The following MGAT5 variants were observed in gnomAD, a reference collection of about 807,000 sequenced individuals.
MGAT5 encodes alpha-1,6-mannosylglycoprotein 6-beta-N-acetylglucosaminyltransferase.
In MGAT5, 30 loss-of-function variants were observed where a neutral mutation model predicts 94.3. That is an observed-to-expected ratio of 0.32 (90% CI 0.24 to 0.43). The LOEUF is 0.43. MGAT5 is among the 20% of genes least tolerant of loss of function. MGAT5 has a pLI of 1.00. For synonymous variants in MGAT5, 310 were observed against 322.9 expected (o/e 0.96, Z 0.43); for missense variants, 691 against 905.5 (o/e 0.76, Z 3.04).
chr2:134,289,761 CAG>C (rs1018073091), intron 2 of MGAT5, among the ~76,000 whole-genome samples: 8 of 152,320 alleles, frequency 5.3e-5, no homozygotes, highest in Admixed American at 2.0e-4. Context: ...CAGTAAGACA[CAG>C]AGTCTCTAAA....
At chr2:134,230,737 C>T (rs1486382291) in intron 1 of MGAT5, among the ~76,000 whole-genome samples, 1 of 152,080 alleles carries the variant, frequency 6.6e-6, no homozygotes. Flanking sequence ...CTGTGGAAAA[C>T]ATTTTAGCAG....
intron 2 of MGAT5, among the ~76,000 whole-genome samples, chr2:134,308,479 A>G (rs1441519947): frequency 6.6e-6 from 1 of 152,152 alleles, no homozygotes; most frequent in Non-Finnish European, 1.5e-5. Flanking sequence ...TAGCCCATGG[A>G]AAGTGTATAT....
intron 2 of MGAT5, among the ~76,000 whole-genome samples, chr2:134,301,224 G>A (rs1030716020): frequency 1.3e-5 from 2 of 152,148 alleles, no homozygotes; most frequent in African/African-American, 4.8e-5. Context: ...AAAAATCGCA[G>A]AGCAGTACTT....
chr2:134,160,313 A>G (rs1352154097), intron 1 of MGAT5, among the ~76,000 whole-genome samples: 1 of 152,182 alleles, frequency 6.6e-6, no homozygotes, highest in Non-Finnish European at 1.5e-5. Flanking sequence ...AGCCGGGACT[A>G]CAGGCGCCTG....
chr2:134,186,681 A>G (rs1689052161), intron 1 of MGAT5, among the ~76,000 whole-genome samples: 1 of 152,152 alleles, frequency 6.6e-6, no homozygotes, highest in Admixed American at 6.5e-5. Flanking sequence ...TGGTGTGGAT[A>G]GCATGGATGC....
intron 1 of MGAT5, among the ~76,000 whole-genome samples, chr2:134,149,102 A>G (rs1220021179): frequency 6.6e-6 from 1 of 152,066 alleles, no homozygotes; most frequent in Non-Finnish European, 1.5e-5. Context: ...TTATCCCTCC[A>G]GGCTTAATTT....
intron 11 of MGAT5, among the ~76,000 whole-genome samples, chr2:134,403,923 C>T (rs13016013): frequency 5.3e-5 from 8 of 152,196 alleles, no homozygotes; most frequent in African/African-American, 7.2e-5. Flanking sequence ...TGACGTGTTG[C>T]TTTGACACTG....
intron 10 of MGAT5, among the ~76,000 whole-genome samples, chr2:134,400,595 G>A (rs1402204506): frequency 6.6e-6 from 1 of 151,962 alleles, no homozygotes; most frequent in Admixed American, 6.6e-5. Flanking sequence ...ACTTTCCCAG[G>A]CATTTAGTCT....
chr2:134,256,193 T>C (rs1294990165), intron 1 of MGAT5, among the ~76,000 whole-genome samples: 1 of 152,092 alleles, frequency 6.6e-6, no homozygotes, highest in African/African-American at 2.4e-5. Context: ...GAAAAGTAAC[T>C]AGGTAGTTTT....
chr2:134,148,138 A>G (rs187791005), intron 1 of MGAT5, among the ~76,000 whole-genome samples: 1 of 152,356 alleles, frequency 6.6e-6, no homozygotes, highest in Admixed American at 6.5e-5. Context: ...GTTTTATTTC[A>G]TGCATTTAAA....
At chr2:134,378,699 T>C (rs1558839169) in intron 10 of MGAT5, among the ~76,000 whole-genome samples, 1 of 149,744 alleles carries the variant, frequency 6.7e-6, no homozygotes, top group Non-Finnish European at 1.5e-5. Context: ...CACTGCCACC[T>C]GTGACTCCCG....
chr2:134,137,849 A>G (rs1486155377), intron 1 of MGAT5, among the ~76,000 whole-genome samples: 1 of 151,852 alleles, frequency 6.6e-6, no homozygotes, highest in African/African-American at 2.4e-5. Context: ...TGTATTTAAC[A>G]AGTTTATCAA....
rs186704616 is a variant in MGAT5, at chr2:134,243,283, G to T, written c.-142-10979G>T. Among the ~76,000 whole-genome samples the T allele has an allele frequency of 1.7e-4, 26 of 152,172 alleles. No homozygotes were observed. The East Asian group carries it at 5.0e-3, about 29-fold the overall frequency. On this transcript the variant is annotated intron_variant, in intron 1 of 16. Coordinates refer to the MGAT5 transcript ENST00000409645. ...CTCTATTTTTTAAAGAGCAGTCCAGGTGATTCTATGTACATCATAGTTGGG... is the reference window on the plus strand; with the variant it reads ...CTCTATTTTTTAAAGAGCAGTCCAGTTGATTCTATGTACATCATAGTTGGG...
chr2:134,215,505 G>A (rs1337830757), intron 1 of MGAT5, among the ~76,000 whole-genome samples: 1 of 152,138 alleles, frequency 6.6e-6, no homozygotes, highest in Non-Finnish European at 1.5e-5. Flanking sequence ...GTGTGGAGAG[G>A]GACCAAACAT....
chr2:134,406,235 C>G (rs1209109538), intron 11 of MGAT5, among the ~76,000 whole-genome samples: 1 of 152,214 alleles, frequency 6.6e-6, no homozygotes, highest in African/African-American at 2.4e-5. Flanking sequence ...ATCTGCAACT[C>G]ACTGAGTGCT....
intron 2 of MGAT5, among the ~76,000 whole-genome samples, chr2:134,271,481 T>TA (rs533987161): frequency 1.2e-4 from 18 of 151,874 alleles, no homozygotes; most frequent in East Asian, 5.8e-4. Context: ...GTTCCTGCTT[T>TA]AAAAAAAAAT....
chr2:134,298,399 A>G (rs899326006), intron 2 of MGAT5, among the ~76,000 whole-genome samples: 2 of 152,142 alleles, frequency 1.3e-5, no homozygotes, highest in Admixed American at 6.6e-5. Context: ...TGCCTGGCCT[A>G]TCTCTGTATT....
At chr2:134,383,968 C>T (rs900256123) in intron 10 of MGAT5, among the ~76,000 whole-genome samples, 11 of 37,186 alleles carry the variant, frequency 3.0e-4, no homozygotes, top group Middle Eastern at 0.024. Flanking sequence ...TGTCAGCCAC[C>T]GCGCCTGGCC....
At chr2:134,120,741 C>T (rs1388636979) in intron 1 of MGAT5, among the ~76,000 whole-genome samples, 1 of 151,692 alleles carries the variant, frequency 6.6e-6, no homozygotes, top group South Asian at 2.1e-4. Context: ...GGCCGGGGTC[C>T]TCGGGACCCA....
Sources: allele counts gnomAD v4.1 joint callset (sites outside exome capture counted in the v4.1 genomes callset), GRCh38; gene constraint gnomAD v4.1.1; transcripts MANE v1.5; gene names NCBI Gene and HGNC (gene_info 2026-07-23, HGNC 2026-07-21).